The following XIRP1 variants were observed in gnomAD, a reference collection of about 807,000 sequenced individuals.
The protein encoded by XIRP1 is xin actin-binding repeat-containing protein 1.
For missense variants in XIRP1, 2,378 were observed against 2,345.4 expected, an observed-to-expected ratio of 1.01 and a Z score of -0.29; for synonymous variants, 984 against 947.0, an observed-to-expected ratio of 1.04 and a Z score of -0.72.
Position 39,187,153 on chromosome 3 carries a change from C to G in XIRP1, c.2293G>C (p.Glu765Gln). ...CCCTCAGCTGCAGTCTCCTGGCTCT[C>G]TTGCATCCTGTTGCCTGAGGGGCTC... ...PMSPSGNRMQ[E>Q]SQETAAEGTL... The change falls in exon 2 of 2, where the codon GAG becomes CAG. Residue 765 changes from glutamate (E) to glutamine (Q), a missense_variant. Physicochemically the swap from Glu to Gln is conservative, Grantham distance 29 (BLOSUM62 2). Transcript: ENST00000340369. 2 of 1,609,500 alleles carry G rather than the reference C, an allele frequency of 1.2e-6. No homozygotes were observed. Among genetic ancestry groups the G allele is most frequent in the Non-Finnish European group, 1.7e-6 (2 of 1,176,204 alleles).
rs773380569 is a variant in XIRP1 at position 39,188,226 on chromosome 3, G to T, written c.1220C>A (p.Pro407His). The change falls in exon 2 of 2, where the codon CCC becomes CAC. Residue 407 changes from proline to histidine, a missense_variant. Physicochemically the swap from Pro to His is moderately conservative, Grantham distance 77. Transcript: ENST00000340369. ...VQVGHLQRVDPQDGEGHLSSD... is the reference protein window; with the variant it reads ...VQVGHLQRVDHQDGEGHLSSD... ...GGATAGATGCCCCTCACCGTCCTGG[G>T]GATCCACTCGCTGTAGGTGACCCAC... 22 of 1,614,046 alleles carry T rather than the reference G, an allele frequency of 1.4e-5. No homozygotes were observed. The highest frequency in any genetic ancestry group is 1.9e-5 in the Non-Finnish European group (22 of 1,180,052).
chr3:39,189,261 T>A lies in XIRP1; in HGVS notation c.185A>T (p.His62Leu), dbSNP rs766183367. The change falls in exon 2 of 2, where the codon CAC becomes CTC. Residue 62 changes from histidine to leucine, a missense_variant. Transcript: ENST00000340369. ...SELRRLYRHI[H>L]PELRKNLAEA... is the part of the protein sequence containing the mutation. ...AGCCAGATTCTTGCGGAGCTCAGGG[T>A]GGATGTGCCTGTAGAGGCGGCGGAG... 7 of 1,613,556 alleles carry A rather than the reference T, an allele frequency of 4.3e-6. No homozygotes were observed. Among genetic ancestry groups the A allele is most frequent in the South Asian group, 3.3e-5 (3 of 91,056 alleles).
Position 39,183,918 on chromosome 3 carries a change from T to C in XIRP1, c.5528A>G (p.Gln1843Arg). Residue 1843 changes from glutamine (Q) to arginine (R), a missense_variant, in exon 2 of 2, where the codon CAG becomes CGG. By Grantham distance (43) the Gln-to-Arg change is conservative. Coordinates refer to ENST00000340369, the MANE Select transcript of XIRP1 (RefSeq NM_194293.4). The part of the protein sequence containing the change: ...VSCSYSQPAA[Q>R] ...TGTGGTGGGAGGCGGTGGGCCTCAC[T>C]GGGCAGCTGGCTGGGAGTAGCTGCA... 1 of 1,609,520 alleles carries C rather than the reference T, an allele frequency of 6.2e-7. No homozygotes were observed. The highest frequency in any genetic ancestry group is 1.3e-5 in the African/African-American group (1 of 74,962).
chr3:39,183,705 C>T lies in XIRP1; in HGVS notation c.*209G>A. ...ATCCTACCCCCACGCCTGTGCAACT[C>T]TGTGGGCCTCTTCCAGACCTTTCTT... On this transcript the variant is annotated 3_prime_UTR_variant, in exon 2 of 2. Coordinates refer to ENST00000340369, the MANE Select transcript of XIRP1 (RefSeq NM_194293.4). 2 of 842,266 alleles carry T rather than the reference C, an allele frequency of 2.4e-6. No homozygotes were observed. The highest frequency in any genetic ancestry group is 1.9e-5 in the South Asian group (1 of 51,786). 52.2% of individuals were successfully genotyped at this position (842,266 alleles called of 1,614,324 possible).
chr3:39,184,644 T>TGGGTCG lies in XIRP1; in HGVS notation c.4801_4802insCGACCC (p.Gly1600_Gln1601insProThr), dbSNP rs2125899206. 1 of 1,613,918 alleles carries TGGGTCG rather than the reference T, an allele frequency of 6.2e-7. No individual in the cohort carries two copies. The highest frequency in any genetic ancestry group is 2.2e-5 in the East Asian group (1 of 44,854). On this transcript the variant is annotated inframe_insertion, in exon 2 of 2. Transcript: ENST00000340369. ...GACTGCAGTTTGACCTCCGACCTCC[T>TGGGTCG]GGCCTGAGCCACTGGGCCTGGCGCT...
In XIRP1 at chr3:39,183,874, G is replaced by A; in HGVS notation, c.*40C>T. ...CCACTTCAGTCCTGGGGCAGTGGAG[G>A]CCAGGAACAGGTGGCAGGTGTGGTG... On this transcript the variant is annotated 3_prime_UTR_variant, in exon 2 of 2. Coordinates refer to ENST00000340369, the MANE Select transcript of XIRP1 (RefSeq NM_194293.4). 1 of 1,587,222 alleles carries A rather than the reference G, an allele frequency of 6.3e-7. No homozygotes were observed. The highest frequency in any genetic ancestry group is 8.6e-7 in the Non-Finnish European group (1 of 1,169,522).
At position 39,183,697 on chromosome 3, in the gene XIRP1, G is replaced by A; in HGVS notation, c.*217C>T. 2.6e-6 allele frequency: 2 copies of A among 763,044 alleles called. No homozygotes were observed. The highest frequency in any genetic ancestry group is 4.0e-6 in the Non-Finnish European group (2 of 496,650). 47.3% of individuals were successfully genotyped at this position (763,044 alleles called of 1,614,324 possible). A position where few individuals can be genotyped will look rare whatever the true frequency, so the allele number is the denominator to read the frequency against. On this transcript the variant is annotated 3_prime_UTR_variant, in exon 2 of 2. Transcript: ENST00000340369. ...GAGCCCCCATCCTACCCCCACGCCTGTGCAACTCTGTGGGCCTCTTCCAGA... is the reference window on the plus strand; with the variant it reads ...GAGCCCCCATCCTACCCCCACGCCTATGCAACTCTGTGGGCCTCTTCCAGA...
chr3:39,184,780 T>A lies in XIRP1; in HGVS notation c.4666A>T (p.Lys1556Ter). The change falls in exon 2 of 2, where the codon AAG becomes TAG. Residue 1556 changes from lysine to a stop codon, truncating the protein, a stop_gained. Transcript: ENST00000340369. LOFTEE classifies it low-confidence loss of function (END_TRUNC). ...AGGCTAGACATGGAGCTGAGTGCCT[T>A]GTGCACAGCCTCTTCAATGTCCAGC... Reference protein sequence around the residue: ...RLLDIEEAVHKALSSMSSLQP... With the variant: ...RLLDIEEAVH 2 of 1,614,218 alleles carry A rather than the reference T, an allele frequency of 1.2e-6. No individual in the cohort carries two copies. The highest frequency in any genetic ancestry group is 1.7e-6 in the Non-Finnish European group (2 of 1,180,028).
In XIRP1 at chr3:39,187,290, G is replaced by T. The variant is rs369085267; in HGVS notation, c.2156C>A (p.Ser719Tyr). The T allele has an allele frequency of 1.3e-6, 2 of 1,588,262 alleles. No individual in the cohort carries two copies. The highest frequency in any genetic ancestry group is 4.5e-5 in the East Asian group (2 of 44,522). Reference protein sequence around the residue: ...EEQEPRVIAGSIPAGSVHKFT... With the variant: ...EEQEPRVIAGYIPAGSVHKFT... ...CTTGTGGACAGAACCCGCGGGGATG[G>T]ACCCAGCGATTACCCGGGGCTCCTG... The change falls in exon 2 of 2, where the codon TCC becomes TAC. Residue 719 changes from serine (S) to tyrosine (Y), a missense_variant. Coordinates refer to ENST00000340369, the MANE Select transcript of XIRP1 (RefSeq NM_194293.4).
At position 39,188,468 on chromosome 3, in the gene XIRP1, C is replaced by G. The variant is rs2040028400; in HGVS notation, c.978G>C (p.Glu326Asp). ...LDAIREILVD[E>D]KDFQPSPDLI... ...GGTCTGGGGATGGCTGGAAGTCCTT[C>G]TCATCTACCAAGATCTCCCGGATGG... The change falls in exon 2 of 2, where the codon GAG (glutamate) becomes GAC (aspartate). Residue 326 changes from glutamate (E) to aspartate (D), a missense_variant. Glu to Asp is a conservative substitution (Grantham distance 45). Coordinates refer to ENST00000340369, the MANE Select transcript of XIRP1 (RefSeq NM_194293.4). The G allele has an allele frequency of 6.2e-7, 1 of 1,601,598 alleles. No individual in the cohort carries two copies. The highest frequency in any genetic ancestry group is 1.7e-5 in the Admixed American group (1 of 59,432).
Position 39,185,347 on chromosome 3 carries a change from C to G in XIRP1, c.4099G>C (p.Asp1367His). The change falls in exon 2 of 2, where the codon GAT (aspartate) becomes CAT (histidine). Residue 1367 changes from aspartate to histidine, a missense_variant. Physicochemically the swap from Asp to His is moderately conservative, Grantham distance 81. Transcript: ENST00000340369. ...GQREHQRGER[D>H]TAIPQPAKVP... ...TTGGCTGGCTGAGGGATGGCTGTAT[C>G]TCTCTCACCTCGTTGGTGTTCTCTT... The G allele has an allele frequency of 6.2e-7, 1 of 1,614,206 alleles. No individual in the cohort carries two copies. Among genetic ancestry groups the G allele is most frequent in the Non-Finnish European group, 8.5e-7 (1 of 1,180,038 alleles).
chr3:39,185,506 G>A lies in XIRP1; in HGVS notation c.3940C>T (p.Leu1314=), dbSNP rs765920460. Residue 1314 remains leucine, a synonymous_variant, in exon 2 of 2, where the codon CTG becomes TTG. Transcript: ENST00000340369. ...TTCTTTGGGGGCATGGTGGGGTCCAGTTTTGGGGTCTTTGTCTGTGACCCT... is the reference window on the plus strand; with the variant it reads ...TTCTTTGGGGGCATGGTGGGGTCCAATTTTGGGGTCTTTGTCTGTGACCCT... ...PGGSQTKTPK[L]DPTMPPKKKP... is the part of the protein sequence containing the mutation. 1 of 1,560,698 alleles carries A rather than the reference G, an allele frequency of 6.4e-7. No individual in the cohort carries two copies. Among genetic ancestry groups the A allele is most frequent in the Non-Finnish European group, 8.7e-7 (1 of 1,154,218 alleles).
rs779810675 is a variant in XIRP1 at position 39,187,575 on chromosome 3, T to C, written c.1871A>G (p.Gln624Arg). ...GGGCTTGAACATCCAGGTGCAGGAC[T>C]GTGCCTCAGCCTTGGCTGTGGGATC... ...VTDPTAKAEA[Q>R]SCTWMFKPQP... Residue 624 changes from glutamine (Q) to arginine (R), a missense_variant, in exon 2 of 2, where the codon CAG becomes CGG. Transcript: ENST00000340369. The C allele has an allele frequency of 5.6e-6, 9 of 1,613,990 alleles. No individual in the cohort carries two copies. The South Asian group carries it at 8.8e-5, about 16-fold the overall frequency.
chr3:39,185,187 G>A lies in XIRP1; in HGVS notation c.4259C>T (p.Ala1420Val). ...PTKNQATGSNAQSSEPPKLNA... is the reference protein window; with the variant it reads ...PTKNQATGSNVQSSEPPKLNA... ...GAGCTTGGGGGGCTCAGAGCTCTGG[G>A]CATTGCTGCCTGTAGCCTGATTCTT... Residue 1420 changes from alanine (A) to valine (V), a missense_variant, in exon 2 of 2, where the codon GCC (alanine) becomes GTC (valine). Coordinates refer to ENST00000340369, the MANE Select transcript of XIRP1 (RefSeq NM_194293.4). The A allele has an allele frequency of 6.2e-7, 1 of 1,612,916 alleles. No individual in the cohort carries two copies. Among genetic ancestry groups the A allele is most frequent in the Non-Finnish European group, 8.5e-7 (1 of 1,179,278 alleles).
Position 39,186,602 on chromosome 3 carries a change from G to T in XIRP1, c.2844C>A (p.Pro948=). 1 of 1,610,002 alleles carries T rather than the reference G, an allele frequency of 6.2e-7. No homozygotes were observed. Among genetic ancestry groups the T allele is most frequent in the South Asian group, 1.1e-5 (1 of 90,944 alleles). The part of the protein sequence containing the change: ...LSGLHSLRWE[P]PADPSPVPAS... ...CTGGCACTGGACTCGGGTCAGCCGG[G>T]GGCTCCCACCGCAGACTGTGCAGGC... Residue 948 remains proline, a synonymous_variant, in exon 2 of 2, where the codon CCC becomes CCA. Transcript: ENST00000340369.
At chr3:39,190,579 G>A (rs1307159075) in intron 1 of XIRP1, among the ~76,000 whole-genome samples, 1 of 151,994 alleles carries the variant, frequency 6.6e-6, no homozygotes, top group Admixed American at 6.6e-5. Flanking sequence ...GACTCAGGGG[G>A]GCTTCAGGCT....
At chr3:39,191,731 G>A (rs1438707547) in intron 1 of XIRP1, among the ~76,000 whole-genome samples, 2 of 150,994 alleles carry the variant, frequency 1.3e-5, no homozygotes, top group Non-Finnish European at 2.9e-5. Context: ...TCTCAGGATG[G>A]TCCCCCTGCT....
rs764596504 is a variant in XIRP1 at position 39,189,217 on chromosome 3, GAT to G, written c.227_228del (p.Asp76AlafsTer3). The G allele has an allele frequency of 6.8e-6, 11 of 1,614,098 alleles. No homozygotes were observed. The highest frequency in any genetic ancestry group is 1.3e-5 in the African/African-American group (1 of 74,954). On this transcript the variant is annotated frameshift_variant, in exon 2 of 2. Transcript: ENST00000340369. LOFTEE classifies it low-confidence loss of function (END_TRUNC). ...TCCTCAGAGCCCAGGACCTCAGCCAGATCCTCGGCCACAGCCTCAGCCAGATT... is the reference window on the plus strand; with the variant it reads ...TCCTCAGAGCCCAGGACCTCAGCCAGCCTCGGCCACAGCCTCAGCCAGATT... ...RKNLAEAVAEDLAEVLGSEEP... is the reference protein window; with the variant it reads ...RKNLAEAVAEXLAEVLGSEEP...
Position 39,186,714 on chromosome 3 carries a change from G to A in XIRP1, c.2732C>T (p.Ser911Phe), listed in dbSNP as rs148261940. 3.7e-6 allele frequency: 6 copies of A among 1,613,898 alleles called. No individual in the cohort carries two copies. The African/African-American group carries it at 8.0e-5, about 22-fold the overall frequency. ...EQGLVALTAY[S>F]LQPRLTSKAS... Reference sequence around the variant, plus strand: ...CTTGCTAGTTAGCCGGGGCTGCAGAGAGTAGGCAGTCAGTGCGACCAGGCC... The same window carrying A: ...CTTGCTAGTTAGCCGGGGCTGCAGAAAGTAGGCAGTCAGTGCGACCAGGCC... The change falls in exon 2 of 2, where the codon TCT becomes TTT. Residue 911 changes from serine to phenylalanine, a missense_variant. Transcript: ENST00000340369.
Sources: gnomAD v4.1 joint callset for allele counts (sites outside exome capture counted in the v4.1 genomes callset) on GRCh38, gnomAD v4.1.1 for gene constraint, MANE v1.5 for transcripts, NCBI Gene and HGNC (gene_info 2026-07-23, HGNC 2026-07-21) for gene names.